STAMBPL1: variants seen among roughly 807,000 people sequenced by gnomAD.
STAMBPL1 encodes the protein STAM binding protein like 1, also known as AMSH-like protease.
STAMBPL1 carries 44 observed loss-of-function variants against 52.9 expected under a neutral mutation model. The observed-to-expected ratio is 0.83, with a 90% CI of 0.65 to 1.07. The LOEUF (loss-of-function observed/expected upper bound fraction) is 1.07. Among genes scored for constraint, STAMBPL1 ranks in the 50% least tolerant of loss-of-function variants. The pLI is 0.00. For synonymous variants in STAMBPL1, 164 were observed against 177.3 expected, an observed-to-expected ratio of 0.92 and a Z score of 0.60; for missense variants, 511 against 520.8, an observed-to-expected ratio of 0.98 and a Z score of 0.18.
At chr10:88,921,806 G>A (rs1270292827) in intron 9 of STAMBPL1, among the ~76,000 whole-genome samples, 1 of 152,090 alleles carries the variant, frequency 6.6e-6, no homozygotes, top group Admixed American at 6.6e-5. Flanking sequence ...TTGAAATCCT[G>A]GCTCCACCCC....
At chr10:88,885,428 A>G (rs1436237951) in intron 1 of STAMBPL1, among the ~76,000 whole-genome samples, 1 of 152,174 alleles carries the variant, frequency 6.6e-6, no homozygotes, top group African/African-American at 2.4e-5. Context: ...TTGTGTTTTC[A>G]TATATGCTTT....
intron 10 of STAMBPL1, 137 bp downstream of exon 10, chr10:88,922,573 T>G (rs922102734): frequency 2.9e-6 from 2 of 693,716 alleles, no homozygotes; most frequent in Non-Finnish European, 4.7e-6. Flanking sequence ...CTCAGAAAAT[T>G]AATCTATCTG....
chr10:88,914,289 A>T (rs1320845371), intron 6 of STAMBPL1, among the ~76,000 whole-genome samples: 1 of 152,170 alleles, frequency 6.6e-6, no homozygotes, highest in East Asian at 1.9e-4. Flanking sequence ...TTAACCCAAG[A>T]TACAAACATG....
chr10:88,886,056 A>AGT (rs1844523477), intron 1 of STAMBPL1, among the ~76,000 whole-genome samples: 1 of 152,254 alleles, frequency 6.6e-6, no homozygotes, highest in Admixed American at 6.5e-5. Context: ...GTATGTCAAC[A>AGT]GTGTTACACA....
At chr10:88,914,100 G>A (rs12256739) in intron 6 of STAMBPL1, among the ~76,000 whole-genome samples, 28,764 of 152,128 alleles carry the variant, frequency 0.19, 2,956 homozygotes, top group African/African-American at 0.26. Flanking sequence ...CTTTACTGCT[G>A]ATTGTTTACC....
At chr10:88,897,866 C>T (rs1418142008) in intron 1 of STAMBPL1, among the ~76,000 whole-genome samples, 1 of 152,158 alleles carries the variant, frequency 6.6e-6, no homozygotes, top group Non-Finnish European at 1.5e-5. Flanking sequence ...CTGAATACTT[C>T]CCATTAGTTA....
intron 9 of STAMBPL1, 123 bp downstream of exon 9, chr10:88,921,518 A>G (rs941807944): frequency 2.3e-5 from 16 of 706,098 alleles, no homozygotes; most frequent in Admixed American, 1.3e-4. Context: ...CGGGAAAAAG[A>G]GATGGGTAGT....
chr10:88,917,128 G>A (rs1845392374), intron 8 of STAMBPL1, among the ~76,000 whole-genome samples: 1 of 152,142 alleles, frequency 6.6e-6, no homozygotes, highest in South Asian at 2.1e-4. Context: ...GAAAGAAAGC[G>A]AGTAACATTT....
chr10:88,913,584 AT>A, intron 6 of STAMBPL1, 126 bp downstream of exon 6: 1 of 788,696 alleles, frequency 1.3e-6, no homozygotes, highest in Non-Finnish European at 2.0e-6. Flanking sequence ...ATAATATGGT[AT>A]GAATGAAAGA....
chr10:88,896,121 A>G (rs79964579), intron 1 of STAMBPL1, among the ~76,000 whole-genome samples: 3,230 of 152,256 alleles, frequency 0.021, 81 homozygotes, highest in African/African-American at 0.062. Context: ...AATAAAAGCT[A>G]TTTCTAATAT....
chr10:88,908,867 T>C (rs1382391568), intron 4 of STAMBPL1, 90 bp downstream of exon 4: 2 of 1,100,654 alleles, frequency 1.8e-6, no homozygotes, highest in Non-Finnish European at 1.3e-6. Flanking sequence ...CCTTTCTCTT[T>C]CTCTTGAGAG....
At position 88,902,150 on chromosome 10, in the gene STAMBPL1, C is replaced by T. The variant is rs75324072; in HGVS notation, c.30+412C>T. Among the ~76,000 whole-genome samples the T allele has an allele frequency of 9.1e-3, 1,380 of 152,254 alleles. 36 individuals carry two copies. In the East Asian group the frequency reaches 0.11, roughly 12 times the overall value. The stretch of plus-strand genomic sequence containing the variant: ...ACACCTAGGTACTGCTTTGGATCCT[C>T]GTGTAAATGTCTTTGTACTTGAAGC... On this transcript the variant is annotated intron_variant, in intron 2 of 10. Transcript: ENST00000371926.
intron 8 of STAMBPL1, among the ~76,000 whole-genome samples, chr10:88,919,941 T>C (rs1845467546): frequency 6.6e-6 from 1 of 151,988 alleles, no homozygotes; most frequent in African/African-American, 2.4e-5. Flanking sequence ...GCTCAAGCGC[T>C]CCTCTCACCT....
At chr10:88,903,348 G>A (rs12245057) in intron 2 of STAMBPL1, among the ~76,000 whole-genome samples, 3 of 152,056 alleles carry the variant, frequency 2.0e-5, no homozygotes, top group South Asian at 2.1e-4. Context: ...TCTCACTTCC[G>A]TCTGTCTTTT....
intron 1 of STAMBPL1, among the ~76,000 whole-genome samples, chr10:88,900,492 T>C (rs1298380917): frequency 6.6e-6 from 1 of 152,226 alleles, no homozygotes; most frequent in Non-Finnish European, 1.5e-5. Context: ...CTCAGTTGTC[T>C]CAACTATAAA....
chr10:88,890,043 A>G (rs1844639008), intron 1 of STAMBPL1, among the ~76,000 whole-genome samples: 1 of 152,206 alleles, frequency 6.6e-6, no homozygotes. Flanking sequence ...ATGATGGTCA[A>G]AAATAACTTG....
intron 1 of STAMBPL1, among the ~76,000 whole-genome samples, chr10:88,884,174 AG>A (rs1390936509): frequency 6.6e-6 from 1 of 152,260 alleles, no homozygotes; most frequent in Non-Finnish European, 1.5e-5. Flanking sequence ...AATACATAAA[AG>A]TAAAATATTA....
chr10:88,899,183 G>T (rs944630270), intron 1 of STAMBPL1, among the ~76,000 whole-genome samples: 2 of 152,132 alleles, frequency 1.3e-5, no homozygotes, highest in African/African-American at 2.4e-5. Flanking sequence ...TTATCCTTCT[G>T]TGAATTCAAG....
At chr10:88,912,476 ATT>A (rs1235993132) in intron 5 of STAMBPL1, 3 of 152,192 alleles carry the variant, frequency 2.0e-5, no homozygotes, top group African/African-American at 7.2e-5. Flanking sequence ...TTTAATAACC[ATT>A]TTTTAGTGAT....
Sources: allele counts gnomAD v4.1 joint callset (sites outside exome capture counted in the v4.1 genomes callset), GRCh38; gene constraint gnomAD v4.1.1; transcripts MANE v1.5; gene names NCBI Gene and HGNC (gene_info 2026-07-23, HGNC 2026-07-21).